Variants in SENP7 observed in about 807,000 individuals in gnomAD.
The protein encoded by SENP7 is sentrin-specific protease 7.
In SENP7, 64 loss-of-function variants were observed where a neutral mutation model predicts 141.2. The observed-to-expected ratio is 0.45, with a 90% confidence interval of 0.37 to 0.56. The LOEUF (loss-of-function observed/expected upper bound fraction) is 0.56, where lower values mean the gene tolerates loss of function less well. SENP7 is among the 20% of genes least tolerant of loss of function. The pLI is 0.00. For missense variants in SENP7, 1,025 were observed against 1,212.2 expected (o/e 0.85, Z 2.29); for synonymous variants, 382 against 426.4 (o/e 0.90, Z 1.28).
At chr3:101,474,852 G>A (rs1174199986) in intron 3 of SENP7, among the ~76,000 whole-genome samples, 3 of 151,922 alleles carry the variant, frequency 2.0e-5, no homozygotes, top group African/African-American at 7.2e-5. Context: ...AGGTATATGA[G>A]AGGAATAAGT....
At chr3:101,326,288 G>A (rs1239710939) in intron 23 of SENP7, among the ~76,000 whole-genome samples, 2 of 152,040 alleles carry the variant, frequency 1.3e-5, no homozygotes, top group Non-Finnish European at 2.9e-5. Context: ...GAAAGGGTAT[G>A]AGAGGGGCAG....
At chr3:101,457,547 C>A (rs1365374227) in intron 4 of SENP7, 6 of 1,601,454 alleles carry the variant, frequency 3.7e-6, no homozygotes, top group African/African-American at 1.3e-5. Flanking sequence ...ACATATGCAC[C>A]TCTTCAATAC....
intron 4 of SENP7, among the ~76,000 whole-genome samples, chr3:101,427,790 G>GCACTCAGC (rs1363354432): frequency 1.3e-5 from 2 of 151,992 alleles, no homozygotes; most frequent in African/African-American, 4.8e-5. Flanking sequence ...GTGCTTTGCT[G>GCACTCAGC]CACTCATCCA....
intron 13 of SENP7, 70 bp from the exon 14 acceptor site, chr3:101,344,024 A>C: frequency 2.9e-6 from 3 of 1,018,262 alleles, no homozygotes; most frequent in Non-Finnish European, 4.2e-6. Flanking sequence ...AAGTAATTTA[A>C]TTATTAATAA....
intron 5 of SENP7, chr3:101,414,096 G>A (rs527433214): frequency 3.8e-4 from 128 of 334,742 alleles, no homozygotes; most frequent in African/African-American, 2.3e-3. Context: ...ATAAAGGCAC[G>A]AAGTTATTAG....
intron 4 of SENP7, among the ~76,000 whole-genome samples, chr3:101,429,391 C>T (rs554553380): frequency 2.4e-4 from 37 of 152,044 alleles, no homozygotes; most frequent in Admixed American, 9.8e-4. Context: ...TGTAGTTCTC[C>T]GTGAAGAGGT....
At chr3:101,454,167 A>G (rs577624449) in intron 4 of SENP7, among the ~76,000 whole-genome samples, 2 of 152,352 alleles carry the variant, frequency 1.3e-5, no homozygotes, top group South Asian at 4.1e-4. Flanking sequence ...ATATTAATGC[A>G]TGACACAGCA....
chr3:101,431,779 G>A (rs113717044), intron 4 of SENP7, among the ~76,000 whole-genome samples: 14 of 125,370 alleles, frequency 1.1e-4, no homozygotes, highest in South Asian at 2.6e-4. Flanking sequence ...GCCAGACTTC[G>A]TCTCAAAAAA....
At chr3:101,499,291 T>C (rs1461632570) in intron 2 of SENP7, among the ~76,000 whole-genome samples, 2 of 152,104 alleles carry the variant, frequency 1.3e-5, no homozygotes, top group Non-Finnish European at 2.9e-5. Flanking sequence ...CTGGATATAA[T>C]AAAAACAAAA....
intron 6 of SENP7, among the ~76,000 whole-genome samples, chr3:101,379,629 AT>A (rs1280391254): frequency 2.0e-5 from 3 of 152,182 alleles, no homozygotes; most frequent in African/African-American, 4.8e-5. Context: ...TCACAATGAG[AT>A]TCCACCTCAC....
chr3:101,372,106 G>A lies in SENP7; in HGVS notation c.698C>T (p.Thr233Ile). 1 of 1,552,466 alleles carries A rather than the reference G, an allele frequency of 6.4e-7. No homozygotes were observed. Among genetic ancestry groups the A allele is most frequent in the Non-Finnish European group, 8.8e-7 (1 of 1,141,284 alleles). The change falls in exon 7 of 24, where the codon ACA becomes ATA. Residue 233 changes from threonine to isoleucine, a missense_variant. Around this residue, in one of 4 missense-constraint regions of SENP7, gnomAD observed 496 missense variants for 503.5 expected, o/e 0.99. Transcript: ENST00000394095. ...CTGCTTTGCAGAATTGTCATCTACTGTCTTACTTCGTTGTGAGCCCCTGCA... is the reference window on the plus strand; with the variant it reads ...CTGCTTTGCAGAATTGTCATCTACTATCTTACTTCGTTGTGAGCCCCTGCA... Reference protein sequence around the residue: ...LSERGSQRSKTVDDNSAKQTA... With the variant: ...LSERGSQRSKIVDDNSAKQTA...
chr3:101,481,950 A>C (rs996389992), intron 3 of SENP7, among the ~76,000 whole-genome samples: 1 of 152,182 alleles, frequency 6.6e-6, no homozygotes, highest in Non-Finnish European at 1.5e-5. Flanking sequence ...TCACCTTCCT[A>C]TATGCCTGCA....
intron 3 of SENP7, among the ~76,000 whole-genome samples, chr3:101,459,503 T>A (rs1040709950): frequency 1.3e-5 from 2 of 152,182 alleles, no homozygotes; most frequent in Non-Finnish European, 2.9e-5. Flanking sequence ...TTAGATTAAA[T>A]ATGACTAGAA....
intron 5 of SENP7, among the ~76,000 whole-genome samples, chr3:101,411,593 T>C (rs2061459613): frequency 6.6e-6 from 1 of 152,184 alleles, no homozygotes; most frequent in Admixed American, 6.5e-5. Context: ...TAGCTGTCTT[T>C]TGCAGTACAG....
In SENP7 at chr3:101,332,103, G is replaced by A; in HGVS notation, c.2580C>T (p.His860=). 1.2e-6 allele frequency: 2 copies of A among 1,613,006 alleles called. No individual in the cohort carries two copies. Among genetic ancestry groups the A allele is most frequent in the Non-Finnish European group, 1.7e-6 (2 of 1,179,388 alleles). The change falls in exon 19 of 24, where the codon CAC becomes CAT. Residue 860 remains histidine (H), a synonymous_variant. Transcript: ENST00000394095. The part of the protein sequence containing the change: ...YIFVPVNESS[H]WYLAVICFPW... Reference sequence around the variant, plus strand: ...GAAAACAAATGACTGCGAGATACCAGTGAGACCTGTTGAAAAAGAACTACA... The same window carrying A: ...GAAAACAAATGACTGCGAGATACCAATGAGACCTGTTGAAAAAGAACTACA...
Position 101,331,964 on chromosome 3 carries a change from C to T in SENP7, c.2698+21G>A, listed in dbSNP as rs1296752363. 5 of 1,609,454 alleles carry T rather than the reference C, an allele frequency of 3.1e-6. No individual in the cohort carries two copies. In the Admixed American group the frequency reaches 5.0e-5, roughly 16 times the overall value. On this transcript the variant is annotated intron_variant, in intron 19 of 23. Coordinates refer to ENST00000394095, the MANE Select transcript of SENP7 (RefSeq NM_020654.5). ...TTATTGTCATCATTATTAAAAACAC[C>T]ATCTACGTTATGGATGTCACCTATT...
chr3:101,379,704 G>C (rs1418033370), intron 6 of SENP7, among the ~76,000 whole-genome samples: 3 of 152,166 alleles, frequency 2.0e-5, no homozygotes, highest in African/African-American at 7.2e-5. Context: ...GGAGTAACTG[G>C]AACCCTTGTG....
intron 4 of SENP7, among the ~76,000 whole-genome samples, chr3:101,446,517 C>A (rs142397756): frequency 6.6e-6 from 1 of 152,100 alleles, no homozygotes; most frequent in Non-Finnish European, 1.5e-5. Context: ...TATGAAAGGA[C>A]ACAAAACAAA....
Position 101,324,282 on chromosome 3 carries a change from T to C in SENP7, c.*1661A>G, listed in dbSNP as rs2058849304. The stretch of plus-strand genomic sequence containing the variant: ...AAAAATTACACCTCAATTTAATGAA[T>C]TGGAAATATGTTTAATATAAAACAC... On this transcript the variant is annotated 3_prime_UTR_variant, in exon 24 of 24. Transcript: ENST00000394095. 6.6e-6 allele frequency: 1 copy of C among 152,118 alleles called. No homozygotes were observed. Among genetic ancestry groups the C allele is most frequent in the Non-Finnish European group, 1.5e-5 (1 of 68,012 alleles). 9.4% of individuals were successfully genotyped at this position (152,118 alleles called of 1,614,324 possible).
Sources: allele counts gnomAD v4.1 joint callset (sites outside exome capture counted in the v4.1 genomes callset), GRCh38; gene constraint gnomAD v4.1.1; regional missense constraint gnomAD v4.1.1; transcripts MANE v1.5; gene names NCBI Gene and HGNC (gene_info 2026-07-23, HGNC 2026-07-21).